The following VGLL4 variants were observed in gnomAD, a reference collection of about 807,000 sequenced individuals.
VGLL4 encodes vestigial like family member 4.
A neutral mutation model predicts 21.0 loss-of-function variants in VGLL4; 7 were observed. That is an observed-to-expected ratio of 0.33 (90% confidence interval 0.19 to 0.63). The LOEUF (loss-of-function observed/expected upper bound fraction) is 0.63. VGLL4 is among the 20% of genes least tolerant of loss of function. VGLL4 has a pLI of 0.78. For synonymous variants in VGLL4, 222 were observed against 173.2 expected, an observed-to-expected ratio of 1.28 and a Z score of -2.21; for missense variants, 394 against 425.7, an observed-to-expected ratio of 0.93 and a Z score of 0.66.
chr3:11,669,087 G>A (rs558052596), intron 2 of VGLL4, among the ~76,000 whole-genome samples: 32 of 152,344 alleles, frequency 2.1e-4, no homozygotes, highest in African/African-American at 7.5e-4. Flanking sequence ...AGCCTCAGGG[G>A]CAGAACCATA....
At chr3:11,661,684 C>T (rs1378583761) in intron 2 of VGLL4, among the ~76,000 whole-genome samples, 2 of 152,084 alleles carry the variant, frequency 1.3e-5, no homozygotes, top group Non-Finnish European at 2.9e-5. Flanking sequence ...GTTGGCCATG[C>T]TGGTCTCCAA....
At chr3:11,620,521 C>CTT (rs2075245820) in intron 1 of VGLL4, among the ~76,000 whole-genome samples, 2 of 152,188 alleles carry the variant, frequency 1.3e-5, no homozygotes, top group South Asian at 4.1e-4. Flanking sequence ...ATTGATCATA[C>CTT]GTAAAACCTT....
At chr3:11,692,469 T>C (rs1414310750) in intron 2 of VGLL4, among the ~76,000 whole-genome samples, 22 of 152,222 alleles carry the variant, frequency 1.4e-4, no homozygotes, top group Admixed American at 1.4e-3. Context: ...TATTTTTTGA[T>C]GTCATTGTTC....
rs776270476 is a variant in VGLL4 at position 11,601,956 on chromosome 3, T to A, written c.149A>T (p.His50Leu). 6.2e-7 allele frequency: 1 copy of A among 1,612,770 alleles called. No homozygotes were observed. Among genetic ancestry groups the A allele is most frequent in the Admixed American group, 1.7e-5 (1 of 59,800 alleles). ...TLPVASALSSHRTGPPPISPS... is the reference protein window; with the variant it reads ...TLPVASALSSLRTGPPPISPS... ...GCTGATTGGGGGAGGGCCGGTGCGG[T>A]GACTGCTGAGGGCAGAGGCCACCGG... The change falls in exon 2 of 5, where the codon CAC (histidine) becomes CTC (leucine). Residue 50 changes from histidine to leucine, a missense_variant. His to Leu is a moderately conservative substitution (Grantham distance 99). Coordinates refer to ENST00000430365, the MANE Select transcript of VGLL4 (RefSeq NM_001128219.3).
At chr3:11,559,834 A>C (rs1169875838) in intron 3 of VGLL4, among the ~76,000 whole-genome samples, 1 of 152,118 alleles carries the variant, frequency 6.6e-6, no homozygotes, top group Non-Finnish European at 1.5e-5. Flanking sequence ...CCTTCCCATC[A>C]TGTCCACTGA....
rs921883373 is a variant in VGLL4, at chr3:11,565,641, C to T, written c.273-622G>A. The stretch of plus-strand genomic sequence containing the variant: ...GGGTTCCCGGGGTGCTGTAGGGAGC[C>T]GGCGCGCAGCTCTCTCGTCCAGGAC... On this transcript the variant is annotated intron_variant, in intron 2 of 4. Transcript: ENST00000430365. The surrounding 1 kb of genome is among the most constrained non-coding windows in gnomAD (Gnocchi z 4.1). Among the ~76,000 whole-genome samples the T allele has an allele frequency of 2.6e-5, 4 of 152,146 alleles. No homozygotes were observed. Among genetic ancestry groups the T allele is most frequent in the Non-Finnish European group, 5.9e-5 (4 of 68,014 alleles).
At chr3:11,687,554 CCCA>C (rs2076468345) in intron 2 of VGLL4, among the ~76,000 whole-genome samples, 1 of 152,154 alleles carries the variant, frequency 6.6e-6, no homozygotes, top group African/African-American at 2.4e-5. Context: ...AAGCAATCCT[CCCA>C]CTTCAGCCTC....
rs922248970 is a variant in VGLL4 at position 11,598,289 on chromosome 3, A to T, written c.272+3544T>A. ...TGATCCGCCCACCCTGGCCTCCCAAAGTGCTAGGATTACAGGCACGAGCCA... is the reference window on the plus strand; with the variant it reads ...TGATCCGCCCACCCTGGCCTCCCAATGTGCTAGGATTACAGGCACGAGCCA... On this transcript the variant is annotated intron_variant, in intron 2 of 4. Transcript: ENST00000430365. 2.3e-4 allele frequency among the ~76,000 whole-genome samples: 30 copies of T among 129,418 alleles called. 1 individual carries two copies. The highest frequency in any genetic ancestry group is 1.4e-3 in the South Asian group (6 of 4,178). 84.9% of individuals were successfully genotyped at this position (129,418 alleles called of 152,430 possible).
chr3:11,709,151 C>A (rs780774107), intron 1 of VGLL4, among the ~76,000 whole-genome samples: 2 of 151,676 alleles, frequency 1.3e-5, no homozygotes, highest in African/African-American at 2.4e-5. Flanking sequence ...GAAAAAGATA[C>A]AGAGGGCCAG....
chr3:11,559,519 C>T (rs2072773567), intron 3 of VGLL4, 64 bp from the exon 4 acceptor site: 5 of 1,479,284 alleles, frequency 3.4e-6, no homozygotes, highest in Non-Finnish European at 4.5e-6. Context: ...ACCCCTGGGG[C>T]CCTCCCCAGC....
intron 1 of VGLL4, among the ~76,000 whole-genome samples, chr3:11,708,939 C>T (rs935078763): frequency 6.6e-6 from 1 of 151,946 alleles, no homozygotes; most frequent in Non-Finnish European, 1.5e-5. Context: ...GTGATGGCAC[C>T]GGTAATCCCA....
intron 1 of VGLL4, among the ~76,000 whole-genome samples, chr3:11,705,112 C>A (rs2076739975): frequency 6.6e-6 from 1 of 152,204 alleles, no homozygotes; most frequent in South Asian, 2.1e-4. Flanking sequence ...TTCGATGGGA[C>A]CGCGGCTTGA....
In VGLL4 at chr3:11,715,397, G is replaced by A. The variant is rs904485704; in HGVS notation, c.-14+4997C>T. Reference sequence around the variant, plus strand: ...CGCCTAGGCTGGAGTGCAATGGTGCGATCTCAGCTCACTGCAACCTCCACT... The same window carrying A: ...CGCCTAGGCTGGAGTGCAATGGTGCAATCTCAGCTCACTGCAACCTCCACT... On this transcript the variant is annotated intron_variant, in intron 1 of 5. Transcript: ENST00000273038. 1.1e-4 allele frequency among the ~76,000 whole-genome samples: 16 copies of A among 152,052 alleles called. No homozygotes were observed. The East Asian group carries it at 2.7e-3, about 26-fold the overall frequency.
chr3:11,665,117 T>C (rs1044210421), intron 2 of VGLL4, among the ~76,000 whole-genome samples: 2 of 129,798 alleles, frequency 1.5e-5, no homozygotes, highest in East Asian at 4.4e-4. Context: ...TTTTTTTTTT[T>C]TTTTTTTTTT....
intron 1 of VGLL4, among the ~76,000 whole-genome samples, chr3:11,637,669 G>C (rs1181438626): frequency 6.6e-6 from 1 of 152,146 alleles, no homozygotes; most frequent in East Asian, 1.9e-4. Context: ...GAAAAGGCAA[G>C]ACAGCAAAGC....
chr3:11,678,732 TA>T (rs1198976403), intron 2 of VGLL4, among the ~76,000 whole-genome samples: 3 of 152,188 alleles, frequency 2.0e-5, no homozygotes. Flanking sequence ...GGAAATTTTT[TA>T]TAATAAAAAA....
chr3:11,638,726 G>T (rs942151113), intron 1 of VGLL4, among the ~76,000 whole-genome samples: 1 of 152,112 alleles, frequency 6.6e-6, no homozygotes, highest in East Asian at 1.9e-4. Flanking sequence ...ATGGCCCTGC[G>T]CTGTGGCCTT....
In VGLL4 at chr3:11,635,487, CT is replaced by C. The variant is rs1368173773; in HGVS notation, c.82+7949del. 5.8e-3 allele frequency among the ~76,000 whole-genome samples: 886 copies of C among 152,314 alleles called. 8 individuals are homozygous for C. The highest frequency in any genetic ancestry group is 0.02 in the African/African-American group (849 of 41,564). On this transcript the variant is annotated intron_variant, in intron 1 of 4. Transcript: ENST00000430365. Reference sequence around the variant, plus strand: ...GCAACATGTGGTTCTTTTATTTTCTCTAAGATATAGAGCAGATTCTTCCAGC... The same window carrying C: ...GCAACATGTGGTTCTTTTATTTTCTCAAGATATAGAGCAGATTCTTCCAGC...
chr3:11,571,137 C>A (rs913259319), intron 2 of VGLL4, among the ~76,000 whole-genome samples: 3 of 152,180 alleles, frequency 2.0e-5, no homozygotes, highest in Admixed American at 2.0e-4. Flanking sequence ...TACCGGCATT[C>A]GGACTGTCCC....
Sources: gnomAD v4.1 joint callset for allele counts (sites outside exome capture counted in the v4.1 genomes callset) on GRCh38, gnomAD v4.1.1 for gene constraint, Gnocchi (gnomAD v3.1) non-coding constraint, MANE v1.5 for transcripts, NCBI Gene and HGNC (gene_info 2026-07-23, HGNC 2026-07-21) for gene names.